Variants in POLD3 observed in about 807,000 individuals in gnomAD.
The protein encoded by POLD3 is DNA polymerase delta subunit 3.
In POLD3, 19 loss-of-function variants were observed where a neutral mutation model predicts 58.2. That is an observed-to-expected ratio of 0.33 (90% confidence interval 0.23 to 0.48). The LOEUF (loss-of-function observed/expected upper bound fraction) is 0.48. Ranked by LOEUF, POLD3 falls within the 20% of genes least tolerant of loss-of-function variation. The pLI is 0.99. For missense variants in POLD3, 504 were observed against 545.5 expected, an observed-to-expected ratio of 0.92 and a Z score of 0.76; for synonymous variants, 172 against 193.5, an observed-to-expected ratio of 0.89 and a Z score of 0.92.
intron 4 of POLD3, among the ~76,000 whole-genome samples, chr11:74,662,562 C>G (rs2033218445): frequency 6.6e-6 from 1 of 151,950 alleles, no homozygotes; most frequent in Non-Finnish European, 1.5e-5. Flanking sequence ...AAATGCAAAT[C>G]AAAATTCTTT....
chr11:74,647,883 A>G (rs889476501), downstream of POLD3, among the ~76,000 whole-genome samples: 1 of 152,176 alleles, frequency 6.6e-6, no homozygotes, highest in African/African-American at 2.4e-5. Context: ...CTATAATTAT[A>G]TTATAATAAT....
intron 1 of POLD3, among the ~76,000 whole-genome samples, chr11:74,593,854 T>G (rs1213598883): frequency 2.0e-5 from 3 of 152,324 alleles, no homozygotes. Flanking sequence ...TTTTCATTAG[T>G]TCATGAAACA....
downstream of POLD3, among the ~76,000 whole-genome samples, chr11:74,645,670 G>T (rs895950891): frequency 6.6e-6 from 1 of 152,212 alleles, no homozygotes; most frequent in Non-Finnish European, 1.5e-5. Flanking sequence ...GCAGTCCCCA[G>T]TATTTTGACA....
At chr11:74,623,894 G>T (rs1191600254) in intron 7 of POLD3, among the ~76,000 whole-genome samples, 1 of 152,154 alleles carries the variant, frequency 6.6e-6, no homozygotes, top group Non-Finnish European at 1.5e-5. Flanking sequence ...CTGCATATAT[G>T]TTTAAGTTGG....
chr11:74,600,219 C>T (rs969308239), intron 2 of POLD3, among the ~76,000 whole-genome samples: 2 of 152,170 alleles, frequency 1.3e-5, no homozygotes, highest in African/African-American at 4.8e-5. Context: ...GCTGGGATTA[C>T]AGGCATGAGC....
chr11:74,640,564 T>G lies in POLD3; in HGVS notation c.1199T>G (p.Val400Gly), dbSNP rs149019203. Residue 400 changes from valine (V) to glycine (G), a missense_variant and splice_region_variant, in exon 12 of 12, where the codon GTG becomes GGG. Val to Gly is a moderately radical substitution (Grantham distance 109). Coordinates refer to ENST00000263681, the MANE Select transcript of POLD3 (RefSeq NM_006591.3). ...TTCCATTTTTTTCTCATCCTACCAGTGACTGAAAAAGTCTACGAGAGTGAA... is the reference window on the plus strand; with the variant it reads ...TTCCATTTTTTTCTCATCCTACCAGGGACTGAAAAAGTCTACGAGAGTGAA... The part of the protein sequence containing the change: ...KTYLDGEGCI[V>G]TEKVYESESC... The G allele has an allele frequency of 2.0e-6, 3 of 1,515,508 alleles. No individual in the cohort carries two copies. The highest frequency in any genetic ancestry group is 2.6e-6 in the Non-Finnish European group (3 of 1,133,644). The allele number at this position is 1,515,508 out of a possible 1,614,324, so 93.9% of individuals were successfully genotyped here. A position where few individuals can be genotyped will look rare whatever the true frequency, so the allele number is the denominator to read the frequency against.
chr11:74,640,341 C>T (rs767614157), intron 11 of POLD3, among the ~76,000 whole-genome samples: 9 of 152,142 alleles, frequency 5.9e-5, no homozygotes, highest in African/African-American at 9.7e-5. Context: ...GAAAAGTGAA[C>T]GTTAATTCTA....
At chr11:74,625,337 G>A in intron 7 of POLD3, 71 bp from the exon 8 acceptor site, 1 of 1,253,234 alleles carries the variant, frequency 8.0e-7, no homozygotes, top group South Asian at 1.5e-5. Flanking sequence ...GCACATGGTA[G>A]ACTGTCAAAA....
intron 2 of POLD3, among the ~76,000 whole-genome samples, chr11:74,594,498 A>G (rs1047908437): frequency 1.3e-5 from 2 of 152,238 alleles, no homozygotes; most frequent in African/African-American, 2.4e-5. Context: ...TCAGTCTGTA[A>G]TATGGATACA....
chr11:74,592,586 A>G lies in POLD3; in HGVS notation c.-73A>G, dbSNP rs1014382834. On this transcript the variant is annotated 5_prime_UTR_variant, in exon 1 of 12. Transcript: ENST00000263681. ...ACCCGGGACCTGGGAGGGAGCAAAG[A>G]CGTTTCCCGCCGGCGGGAGCTGTGG... 1.9e-6 allele frequency: 3 copies of G among 1,577,796 alleles called. No homozygotes were observed. Among genetic ancestry groups the G allele is most frequent in the Non-Finnish European group, 2.6e-6 (3 of 1,153,540 alleles).
intron 4 of POLD3, among the ~76,000 whole-genome samples, chr11:74,660,265 G>A (rs2033189213): frequency 6.6e-6 from 1 of 152,168 alleles, no homozygotes; most frequent in East Asian, 1.9e-4. Flanking sequence ...CACAACAGGT[G>A]GGAATTCTGG....
downstream of POLD3, among the ~76,000 whole-genome samples, chr11:74,647,979 A>G (rs746925933): frequency 1.3e-5 from 2 of 152,218 alleles, no homozygotes; most frequent in Non-Finnish European, 2.9e-5. Flanking sequence ...TTATTTACAC[A>G]TGAAGACAGG....
intron 6 of POLD3, among the ~76,000 whole-genome samples, chr11:74,619,542 A>G (rs545913808): frequency 1.3e-5 from 2 of 152,214 alleles, no homozygotes; most frequent in East Asian, 1.9e-4. Context: ...TGTGAGGGAG[A>G]TATTAACTAT....
At chr11:74,639,025 G>T (rs1438406725) in intron 11 of POLD3, among the ~76,000 whole-genome samples, 1 of 152,200 alleles carries the variant, frequency 6.6e-6, no homozygotes, top group Non-Finnish European at 1.5e-5. Context: ...GCCTTAATGG[G>T]ATTAGCTGGA....
intron 4 of POLD3, among the ~76,000 whole-genome samples, chr11:74,665,552 T>C (rs2033258623): frequency 6.6e-6 from 1 of 151,774 alleles, no homozygotes; most frequent in South Asian, 2.1e-4. Context: ...AGGCATGCGC[T>C]ACCACACCCG....
chr11:74,639,925 C>G (rs1050874623), intron 11 of POLD3, among the ~76,000 whole-genome samples: 1 of 152,228 alleles, frequency 6.6e-6, no homozygotes, highest in Non-Finnish European at 1.5e-5. Flanking sequence ...CTTCATGATA[C>G]AGACTACTAC....
rs1396356632 is a variant in POLD3, at chr11:74,594,105, C to T, written c.105C>T (p.Asn35=). The part of the protein sequence containing the change: ...WLSYTLGVHV[N]QAKQMLYDYV... ...GCTATACACTAGGGGTTCATGTTAA[C>T]CAGGCCAAACAGTAAGTCCAATTTA... Residue 35 remains asparagine, a synonymous_variant, in exon 2 of 12, where the codon AAC becomes AAT. Transcript: ENST00000263681. 1.9e-6 allele frequency: 3 copies of T among 1,595,530 alleles called. No homozygotes were observed. The highest frequency in any genetic ancestry group is 2.7e-5 in the African/African-American group (2 of 74,660).
At chr11:74,647,526 T>C (rs1264293554), downstream of POLD3, among the ~76,000 whole-genome samples, 1 of 152,186 alleles carries the variant, frequency 6.6e-6, no homozygotes, top group Non-Finnish European at 1.5e-5. Flanking sequence ...CTTTGTGTCT[T>C]CAGATGCTGC....
At chr11:74,601,816 G>A (rs2031509945) in intron 2 of POLD3, among the ~76,000 whole-genome samples, 1 of 152,134 alleles carries the variant, frequency 6.6e-6, no homozygotes, top group Non-Finnish European at 1.5e-5. Context: ...ACCTGATGGT[G>A]TTGGGGAAGG....
Sources: gnomAD v4.1 joint callset for allele counts (sites outside exome capture counted in the v4.1 genomes callset) on GRCh38, gnomAD v4.1.1 for gene constraint, MANE v1.5 for transcripts, NCBI Gene and HGNC (gene_info 2026-07-23, HGNC 2026-07-21) for gene names.